Variants in PLB1 observed in about 807,000 individuals in gnomAD.
The protein encoded by PLB1 is phospholipase B1.
Under a neutral mutation model 227.4 loss-of-function variants are expected in PLB1, and 242 were observed. The ratio of observed to expected loss-of-function variants is 1.06; its 90% CI spans 0.96 to 1.18. The LOEUF (loss-of-function observed/expected upper bound fraction) is 1.18, where lower values mean the gene tolerates loss of function less well. PLB1 is among the 50% of genes most tolerant of loss of function. PLB1 has a pLI of 0.00. For synonymous variants in PLB1, 757 were observed against 682.2 expected (o/e 1.11, Z -1.71); for missense variants, 1,858 against 1,816.3 (o/e 1.02, Z -0.42).
At chr2:28,565,236 C>A (rs1676682757) in intron 18 of PLB1, 44 bp from the exon 19 acceptor site, 2 of 1,555,726 alleles carry the variant, frequency 1.3e-6, no homozygotes, top group Non-Finnish European at 1.8e-6. Flanking sequence ...AGGTGGGCCA[C>A]TGGGGAAAGC....
intron 50 of PLB1, 58 bp from the exon 51 acceptor site, chr2:28,626,370 G>A (rs1573529968): frequency 6.8e-6 from 10 of 1,471,280 alleles, no homozygotes; most frequent in East Asian, 6.8e-5. Flanking sequence ...TGGCCCAGTA[G>A]CAACATTTGT....
chr2:28,569,802 T>A (rs1677689365), intron 20 of PLB1, among the ~76,000 whole-genome samples: 1 of 151,438 alleles, frequency 6.6e-6, no homozygotes, highest in Non-Finnish European at 1.5e-5. Flanking sequence ...CCGTCTCTAC[T>A]AAAAATATAA....
chr2:28,604,725 CCTT>C lies in PLB1; in HGVS notation c.2932_2934del (p.Phe978del), dbSNP rs1312297464. 2 of 1,614,050 alleles carry C rather than the reference CCTT, an allele frequency of 1.2e-6. No homozygotes were observed. The highest frequency in any genetic ancestry group is 2.7e-5 in the African/African-American group (2 of 74,916). The stretch of plus-strand genomic sequence containing the variant: ...GAGGACTTCTCTGTGGTGCTGCAGC[CCTT>C]CTTCCAGAACATCCAGCTCCCTGTC... On this transcript the variant is annotated inframe_deletion, in exon 41 of 58. Coordinates refer to ENST00000327757, the MANE Select transcript of PLB1 (RefSeq NM_153021.5).
At chr2:28,628,654 G>A in intron 52 of PLB1, 26 bp downstream of exon 52, 1 of 1,610,766 alleles carries the variant, frequency 6.2e-7, no homozygotes, top group Non-Finnish European at 8.5e-7. Flanking sequence ...CGTGTTCCTG[G>A]GTCCCGCCAG....
chr2:28,599,081 C>T (rs548397526), intron 35 of PLB1, among the ~76,000 whole-genome samples: 10 of 152,394 alleles, frequency 6.6e-5, no homozygotes, highest in South Asian at 2.1e-4. Flanking sequence ...GAGAGATCCA[C>T]TCCCCGCAGA....
At chr2:28,577,528 C>T (rs1679180554) in intron 21 of PLB1, among the ~76,000 whole-genome samples, 1 of 152,162 alleles carries the variant, frequency 6.6e-6, no homozygotes, top group South Asian at 2.1e-4. Flanking sequence ...AAAAGTACAC[C>T]ATCAAATATG....
chr2:28,579,538 C>A, intron 22 of PLB1, 89 bp from the exon 23 acceptor site: 1 of 995,992 alleles, frequency 1.0e-6, no homozygotes, highest in Non-Finnish European at 1.6e-6. Flanking sequence ...TGTGTGAGGA[C>A]CCATCTTTTC....
Position 28,566,947 on chromosome 2 carries a change from C to T in PLB1, c.1324+108C>T, listed in dbSNP as rs1055873688. 6.8e-6 allele frequency: 9 copies of T among 1,316,260 alleles called. No individual in the cohort carries two copies. The African/African-American group carries it at 1.0e-4, about 15-fold the overall frequency. The allele number at this position is 1,316,260 out of a possible 1,614,324, so 81.5% of individuals were successfully genotyped here. A position where few individuals can be genotyped will look rare whatever the true frequency, so the allele number is the denominator to read the frequency against. ...TCGGGAGGAGCCCCGGCTGCAGGAG[C>T]CCGCTAAATTCACCAGGGGGCGCTG... On this transcript the variant is annotated intron_variant, in intron 20 of 57. Transcript: ENST00000327757.
chr2:28,620,560 T>C (rs747868447), intron 47 of PLB1, 40 bp from the exon 48 acceptor site: 2 of 1,585,654 alleles, frequency 1.3e-6, no homozygotes, highest in East Asian at 2.3e-5. Flanking sequence ...GGGAGCAGCA[T>C]GTTGGTGTGA....
chr2:28,589,611 C>T (rs1175502307), intron 27 of PLB1, 57 bp downstream of exon 27: 4 of 1,606,616 alleles, frequency 2.5e-6, no homozygotes, highest in Non-Finnish European at 3.4e-6. Flanking sequence ...GTGGCTGTTT[C>T]TGAGTGTCAC....
chr2:28,590,687 C>T (rs931480015), intron 29 of PLB1, among the ~76,000 whole-genome samples: 12 of 152,050 alleles, frequency 7.9e-5, no homozygotes, highest in Non-Finnish European at 1.6e-4. Flanking sequence ...ATGGGGTTTA[C>T]GTGAGGCAGG....
At chr2:28,576,047 G>A (rs1252417782) in intron 21 of PLB1, among the ~76,000 whole-genome samples, 2 of 152,174 alleles carry the variant, frequency 1.3e-5, no homozygotes, top group African/African-American at 2.4e-5. Context: ...AAACCTTAGA[G>A]TCAAGAGTGT....
intron 35 of PLB1, among the ~76,000 whole-genome samples, chr2:28,600,342 TAAAGAG>T (rs1465700585): frequency 6.6e-6 from 1 of 152,092 alleles, no homozygotes; most frequent in African/African-American, 2.4e-5. Context: ...TTGGAGGAAA[TAAAGAG>T]GAAGCCTGTG....
chr2:28,504,948 C>T (rs1281083444), intron 1 of PLB1, among the ~76,000 whole-genome samples: 1 of 152,072 alleles, frequency 6.6e-6, no homozygotes, highest in African/African-American at 2.4e-5. Flanking sequence ...TTATGAGATT[C>T]TTTGAGGCCT....
intron 43 of PLB1, among the ~76,000 whole-genome samples, chr2:28,612,278 G>A (rs942372733): frequency 1.3e-5 from 2 of 152,184 alleles, no homozygotes; most frequent in Non-Finnish European, 2.9e-5. Context: ...CTCTGTGTGG[G>A]TGGACTCTGT....
At position 28,519,804 on chromosome 2, in the gene PLB1, G is replaced by A. The variant is rs777727541; in HGVS notation, c.243+41G>A. 1.8e-5 allele frequency: 28 copies of A among 1,532,660 alleles called. No homozygotes were observed. The South Asian group carries it at 2.7e-4, about 15-fold the overall frequency. 94.9% of individuals were successfully genotyped at this position (1,532,660 alleles called of 1,614,324 possible). On this transcript the variant is annotated intron_variant, in intron 4 of 57. Coordinates refer to ENST00000327757, the MANE Select transcript of PLB1 (RefSeq NM_153021.5). ...AGCTTGGGGCAGGAGACAGAGTTTG[G>A]TACTGATGATCCTCTGAATGGGCTC...
chr2:28,520,287 C>A lies in PLB1; in HGVS notation c.243+524C>A, dbSNP rs560923133. On this transcript the variant is annotated intron_variant, in intron 4 of 57. Transcript: ENST00000327757. ...CTCTCTTTACATCAAGGTGAGGAAA[C>A]TTTTGGGGTTTCCCATTAATAAATT... Among the ~76,000 whole-genome samples, 37 of 151,510 alleles carry A rather than the reference C, an allele frequency of 2.4e-4. No individual in the cohort carries two copies. The East Asian group carries it at 6.4e-3, about 26-fold the overall frequency.
intron 22 of PLB1, among the ~76,000 whole-genome samples, chr2:28,578,653 C>T (rs569735275): frequency 5.3e-5 from 8 of 152,050 alleles, no homozygotes; most frequent in African/African-American, 1.7e-4. Context: ...ATGTTTGAGC[C>T]GGGTTCTGAA....
intron 8 of PLB1, among the ~76,000 whole-genome samples, chr2:28,530,098 A>T (rs950336279): frequency 2.0e-5 from 3 of 152,132 alleles, no homozygotes; most frequent in African/African-American, 7.2e-5. Flanking sequence ...GGCTCAAGCC[A>T]TCTGCCCGCC....
Sources: gnomAD v4.1 joint callset for allele counts (sites outside exome capture counted in the v4.1 genomes callset) on GRCh38, gnomAD v4.1.1 for gene constraint, MANE v1.5 for transcripts, NCBI Gene and HGNC (gene_info 2026-07-23, HGNC 2026-07-21) for gene names.